The following CDH12 variants were observed in gnomAD, a reference collection of about 807,000 sequenced individuals.
The protein encoded by CDH12 is cadherin 12.
Under a neutral mutation model 74.1 loss-of-function variants are expected in CDH12, and 41 were observed. The observed-to-expected ratio is 0.55, with a 90% CI of 0.43 to 0.72. The LOEUF (loss-of-function observed/expected upper bound fraction) is 0.72. Ranked by LOEUF, CDH12 falls within the 30% of genes least tolerant of loss-of-function variation. The pLI is 0.00. For missense variants in CDH12, 945 were observed against 977.2 expected, an observed-to-expected ratio of 0.97 and a Z score of 0.44; for synonymous variants, 399 against 355.0, an observed-to-expected ratio of 1.12 and a Z score of -1.39.
At chr5:21,757,164 A>G (rs1435790592) in intron 13 of CDH12, among the ~76,000 whole-genome samples, 2 of 152,002 alleles carry the variant, frequency 1.3e-5, no homozygotes, top group Admixed American at 6.6e-5. Context: ...CCTTTTTAAA[A>G]TGTTTATTTT....
At chr5:21,948,084 G>C (rs557289379) in intron 6 of CDH12, among the ~76,000 whole-genome samples, 1 of 152,342 alleles carries the variant, frequency 6.6e-6, no homozygotes, top group East Asian at 1.9e-4. Flanking sequence ...TGGATGTCCA[G>C]GCCGAGATTG....
At chr5:22,399,017 G>GT (rs527817005) in intron 3 of CDH12, among the ~76,000 whole-genome samples, 1 of 152,066 alleles carries the variant, frequency 6.6e-6, no homozygotes, top group Admixed American at 6.6e-5. Context: ...GTAAAAAGAG[G>GT]TTTTTTGTTT....
At chr5:22,232,240 A>G (rs1580429626) in intron 3 of CDH12, among the ~76,000 whole-genome samples, 1 of 151,898 alleles carries the variant, frequency 6.6e-6, no homozygotes, top group East Asian at 1.9e-4. Context: ...GAAACAATAG[A>G]AAACCCCTCC....
intron 10 of CDH12, among the ~76,000 whole-genome samples, chr5:21,797,195 G>T (rs1165098006): frequency 6.6e-6 from 1 of 151,898 alleles, no homozygotes; most frequent in Non-Finnish European, 1.5e-5. Flanking sequence ...TGATGATGAT[G>T]ATGATGATGA....
At chr5:21,776,006 G>T (rs1745565499) in intron 11 of CDH12, among the ~76,000 whole-genome samples, 1 of 152,166 alleles carries the variant, frequency 6.6e-6, no homozygotes, top group South Asian at 2.1e-4. Flanking sequence ...TCTGAAGCTA[G>T]TGGCTTGCTT....
At chr5:22,045,090 T>C (rs1288808775) in intron 5 of CDH12, among the ~76,000 whole-genome samples, 1 of 152,086 alleles carries the variant, frequency 6.6e-6, no homozygotes, top group African/African-American at 2.4e-5. Flanking sequence ...ACAGCAAAAA[T>C]CAAACAAACC....
At chr5:22,292,977 C>A (rs556658356) in intron 3 of CDH12, among the ~76,000 whole-genome samples, 1 of 152,250 alleles carries the variant, frequency 6.6e-6, no homozygotes, top group African/African-American at 2.4e-5. Flanking sequence ...TAATTCACAT[C>A]TGTTCCCAAC....
At chr5:21,820,465 C>T (rs1467794989) in intron 8 of CDH12, among the ~76,000 whole-genome samples, 1 of 151,884 alleles carries the variant, frequency 6.6e-6, no homozygotes, top group East Asian at 1.9e-4. Context: ...GCAATGATTA[C>T]TTTTTGTGTG....
At chr5:22,419,525 C>T (rs1743546795) in intron 2 of CDH12, among the ~76,000 whole-genome samples, 1 of 152,068 alleles carries the variant, frequency 6.6e-6, no homozygotes, top group African/African-American at 2.4e-5. Context: ...GTATATGTAC[C>T]ACATTTTCTT....
intron 1 of CDH12, among the ~76,000 whole-genome samples, chr5:22,703,391 C>T (rs1296384577): frequency 6.6e-6 from 1 of 152,246 alleles, no homozygotes; most frequent in African/African-American, 2.4e-5. Flanking sequence ...TAACATCCTA[C>T]ACCATCTGTA....
At chr5:22,610,045 C>A (rs927978480) in intron 1 of CDH12, among the ~76,000 whole-genome samples, 2 of 152,254 alleles carry the variant, frequency 1.3e-5, no homozygotes, top group South Asian at 4.1e-4. Context: ...TGCTAAACTA[C>A]AACTGCAAAC....
chr5:22,653,530 G>A (rs897765727), intron 1 of CDH12, among the ~76,000 whole-genome samples: 1 of 151,422 alleles, frequency 6.6e-6, no homozygotes, highest in African/African-American at 2.4e-5. Flanking sequence ...AGTGAGTTCT[G>A]TTGGCTCTAC....
intron 1 of CDH12, among the ~76,000 whole-genome samples, chr5:22,801,387 G>A (rs1297147820): frequency 6.6e-6 from 1 of 152,010 alleles, no homozygotes; most frequent in Non-Finnish European, 1.5e-5. Context: ...GGGACGCCTT[G>A]AAAGAGATTT....
chr5:21,920,276 C>T (rs907979721), intron 6 of CDH12, among the ~76,000 whole-genome samples: 2 of 152,154 alleles, frequency 1.3e-5, no homozygotes, highest in African/African-American at 4.8e-5. Context: ...TAATGTAAAA[C>T]ACTTTACCAA....
chr5:21,855,936 T>G (rs1165254144), intron 6 of CDH12, among the ~76,000 whole-genome samples: 1 of 151,700 alleles, frequency 6.6e-6, no homozygotes, highest in Non-Finnish European at 1.5e-5. Flanking sequence ...AACAATAACT[T>G]TTTGTAGACA....
intron 3 of CDH12, among the ~76,000 whole-genome samples, chr5:22,235,433 T>A (rs1425715966): frequency 6.6e-6 from 1 of 151,950 alleles, no homozygotes; most frequent in African/African-American, 2.4e-5. Flanking sequence ...CTATAAAAAA[T>A]TAGGCAGGCG....
At chr5:22,521,463 T>A (rs1737052202) in intron 1 of CDH12, among the ~76,000 whole-genome samples, 1 of 152,106 alleles carries the variant, frequency 6.6e-6, no homozygotes, top group South Asian at 2.1e-4. Flanking sequence ...ACAGGACATG[T>A]AATATTTTCC....
At chr5:21,768,275 T>C (rs955852033) in intron 11 of CDH12, among the ~76,000 whole-genome samples, 1 of 151,774 alleles carries the variant, frequency 6.6e-6, no homozygotes, top group African/African-American at 2.4e-5. Context: ...AATAAATAAT[T>C]CTATGTTTGT....
At chr5:21,963,133 GATATA>G in intron 6 of CDH12, among the ~76,000 whole-genome samples, 2 of 151,544 alleles carry the variant, frequency 1.3e-5, no homozygotes, top group South Asian at 4.2e-4. Context: ...ATAGAGAGAT[GATATA>G]GATAGAGATT....
Sources: allele counts gnomAD v4.1 joint callset (sites outside exome capture counted in the v4.1 genomes callset), GRCh38; gene constraint gnomAD v4.1.1; transcripts MANE v1.5; gene names NCBI Gene and HGNC (gene_info 2026-07-23, HGNC 2026-07-21).